Variants in DAAM1 observed in about 807,000 individuals in gnomAD.
DAAM1 encodes dishevelled associated activator of morphogenesis 1.
DAAM1 carries 52 observed loss-of-function variants against 130.0 expected under a neutral mutation model. That is an observed-to-expected ratio of 0.40 (90% confidence interval 0.32 to 0.50). The LOEUF (loss-of-function observed/expected upper bound fraction) is 0.50, where lower values mean the gene tolerates loss of function less well. Among genes scored for constraint, DAAM1 ranks in the 20% least tolerant of loss-of-function variants. The pLI is 0.61. For synonymous variants in DAAM1, 452 were observed against 444.5 expected, an observed-to-expected ratio of 1.02 and a Z score of -0.21; for missense variants, 1,134 against 1,303.8, an observed-to-expected ratio of 0.87 and a Z score of 2.01.
intron 1 of DAAM1, among the ~76,000 whole-genome samples, chr14:59,230,663 A>T (rs1889077155): frequency 6.6e-6 from 1 of 151,316 alleles, no homozygotes; most frequent in African/African-American, 2.4e-5. Flanking sequence ...AATGAATGAG[A>T]CCTACTATTT....
At chr14:59,327,142 T>C in intron 12 of DAAM1, 151 bp downstream of exon 12, 1 of 752,512 alleles carries the variant, frequency 1.3e-6, no homozygotes, top group Admixed American at 2.6e-5. Context: ...TTGCACTGAG[T>C]TTCTTAAATT....
chr14:59,289,767 G>GATAGATATATATATATATATATATAT (rs375183979), intron 2 of DAAM1, among the ~76,000 whole-genome samples: 8 of 110,258 alleles, frequency 7.3e-5, no homozygotes, highest in Non-Finnish European at 1.4e-4. Flanking sequence ...AACAAAATGT[G>GATAGATATATATATATATATATATAT]ATATATATAT....
Position 59,298,673 on chromosome 14 carries a change from C to G in DAAM1, c.273+7367C>G, listed in dbSNP as rs551031187. 1.4e-4 allele frequency among the ~76,000 whole-genome samples: 21 copies of G among 152,342 alleles called. No individual in the cohort carries two copies. The South Asian group carries it at 2.9e-3, about 21-fold the overall frequency. ...GTGAAATACTGTTCATTCAAAGATT[C>G]TCTGCCTCTGACAGTCAAATCAATG... On this transcript the variant is annotated intron_variant, in intron 3 of 24. Coordinates refer to ENST00000360909, the MANE Select transcript of DAAM1 (RefSeq NM_001270520.2).
intron 1 of DAAM1, among the ~76,000 whole-genome samples, chr14:59,251,052 A>G (rs1295500271): frequency 6.6e-6 from 1 of 152,164 alleles, no homozygotes; most frequent in African/African-American, 2.4e-5. Flanking sequence ...GGGCCCCAAC[A>G]CCAGAGATTC....
intron 20 of DAAM1, among the ~76,000 whole-genome samples, chr14:59,356,540 G>C (rs1405716665): frequency 6.6e-6 from 1 of 152,188 alleles, no homozygotes; most frequent in Non-Finnish European, 1.5e-5. Flanking sequence ...CTTGCCTATG[G>C]TTACAACAAG....
chr14:59,306,195 C>T (rs1410340047), intron 3 of DAAM1, among the ~76,000 whole-genome samples: 1 of 152,072 alleles, frequency 6.6e-6, no homozygotes, highest in Non-Finnish European at 1.5e-5. Context: ...TTGGAATCTT[C>T]TCAGAACCTC....
chr14:59,325,918 G>C, intron 9 of DAAM1, 42 bp from the exon 10 acceptor site: 5 of 1,586,136 alleles, frequency 3.2e-6, no homozygotes, highest in Non-Finnish European at 4.3e-6. Flanking sequence ...GGAAACTGAG[G>C]AACTTAGATG....
chr14:59,322,116 A>G (rs7154694), intron 5 of DAAM1, among the ~76,000 whole-genome samples: 14,341 of 152,194 alleles, frequency 0.094, 981 homozygotes, highest in African/African-American at 0.2. Context: ...GTAGATTATC[A>G]TTTGTTCAAC....
intron 12 of DAAM1, among the ~76,000 whole-genome samples, chr14:59,327,792 C>G (rs1461441013): frequency 6.6e-6 from 1 of 152,080 alleles, no homozygotes; most frequent in Non-Finnish European, 1.5e-5. Flanking sequence ...AATCAGTGAC[C>G]ATTGCTGAGA....
intron 1 of DAAM1, among the ~76,000 whole-genome samples, chr14:59,216,581 C>T (rs546732463): frequency 5.9e-5 from 9 of 152,044 alleles, no homozygotes; most frequent in Non-Finnish European, 1.3e-4. Flanking sequence ...ACTAGTTGCT[C>T]GTGGTGGCAT....
chr14:59,303,489 CT>C (rs1884258733), intron 3 of DAAM1, among the ~76,000 whole-genome samples: 1 of 152,164 alleles, frequency 6.6e-6, no homozygotes, highest in South Asian at 2.1e-4. Flanking sequence ...CGATGGAGTA[CT>C]AATAACCTCA....
At chr14:59,360,526 A>G (rs951349123) in intron 21 of DAAM1, 8 of 256,358 alleles carry the variant, frequency 3.1e-5, no homozygotes, top group African/African-American at 1.6e-4. Flanking sequence ...TTTGAGTTTG[A>G]AACATAAAAT....
intron 17 of DAAM1, 43 bp from the exon 18 acceptor site, chr14:59,352,483 T>C (rs1369999169): frequency 2.0e-6 from 3 of 1,484,198 alleles, no homozygotes; most frequent in Admixed American, 1.8e-5. Flanking sequence ...TACATGGATT[T>C]AAGTGATAAA....
intron 2 of DAAM1, among the ~76,000 whole-genome samples, chr14:59,285,112 C>T (rs35209784): frequency 0.025 from 3,865 of 152,214 alleles, 58 homozygotes; most frequent in South Asian, 0.04. Context: ...GTGGACCTTT[C>T]GGCAGAAACC....
intron 17 of DAAM1, among the ~76,000 whole-genome samples, chr14:59,350,475 A>G (rs1408085608): frequency 1.3e-5 from 2 of 151,386 alleles, no homozygotes; most frequent in African/African-American, 4.9e-5. Context: ...ACACACACAC[A>G]CACACGTCTT....
At chr14:59,337,937 T>G (rs1446022538) in intron 15 of DAAM1, among the ~76,000 whole-genome samples, 4 of 152,284 alleles carry the variant, frequency 2.6e-5, no homozygotes, top group East Asian at 3.9e-4. Flanking sequence ...GTTTATTTAT[T>G]TATGTATTTT....
chr14:59,259,997 T>C (rs1444492658), intron 1 of DAAM1, among the ~76,000 whole-genome samples: 2 of 151,974 alleles, frequency 1.3e-5, no homozygotes, highest in Non-Finnish European at 1.5e-5. Flanking sequence ...TGAGCTGAGA[T>C]CGCGCCACTG....
intron 3 of DAAM1, among the ~76,000 whole-genome samples, chr14:59,291,745 A>G (rs1332151891): frequency 6.6e-6 from 1 of 152,040 alleles, no homozygotes; most frequent in Non-Finnish European, 1.5e-5. Flanking sequence ...TCATGTTCCA[A>G]ACCAGCGATG....
chr14:59,203,561 A>G (rs772683521), intron 1 of DAAM1, among the ~76,000 whole-genome samples: 18 of 152,216 alleles, frequency 1.2e-4, no homozygotes, highest in African/African-American at 2.2e-4. Flanking sequence ...TAAACAGAGT[A>G]TGACATGCAC....
Sources: allele counts gnomAD v4.1 joint callset (sites outside exome capture counted in the v4.1 genomes callset), GRCh38; gene constraint gnomAD v4.1.1; transcripts MANE v1.5; gene names NCBI Gene and HGNC (gene_info 2026-07-23, HGNC 2026-07-21).